Variants in OPCML observed in about 807,000 individuals in gnomAD.
The protein encoded by OPCML is opioid binding protein/cell adhesion molecule like.
In OPCML, 13 loss-of-function variants were observed where a neutral mutation model predicts 37.8. The ratio of observed to expected loss-of-function variants is 0.34; its 90% CI spans 0.22 to 0.55. The LOEUF is 0.55. Ranked by LOEUF, OPCML falls within the 20% of genes least tolerant of loss-of-function variation. The pLI, the probability that OPCML is intolerant of heterozygous loss-of-function variation, is 0.91. For missense variants in OPCML, 341 were observed against 435.6 expected (o/e 0.78, Z 1.93); for synonymous variants, 176 against 168.8 (o/e 1.04, Z -0.33).
intron 1 of OPCML, among the ~76,000 whole-genome samples, chr11:132,963,601 A>AC (rs1227750339): frequency 6.6e-6 from 1 of 151,776 alleles, no homozygotes; most frequent in African/African-American, 2.4e-5. Flanking sequence ...AAAAAAAAAA[A>AC]AAAAAACTGT....
chr11:133,018,243 C>A (rs1322579443), intron 1 of OPCML, among the ~76,000 whole-genome samples: 1 of 152,026 alleles, frequency 6.6e-6, no homozygotes, highest in African/African-American at 2.4e-5. Context: ...GAAATTGGCC[C>A]CCTATTAAAA....
At chr11:133,512,482 GC>G (rs1948181545) in intron 1 of OPCML, among the ~76,000 whole-genome samples, 1 of 152,156 alleles carries the variant, frequency 6.6e-6, no homozygotes, top group Non-Finnish European at 1.5e-5. Context: ...CTGTCCTTTG[GC>G]TTTTTAATGG....
chr11:133,180,456 T>C (rs1039713491), intron 1 of OPCML, among the ~76,000 whole-genome samples: 1 of 152,070 alleles, frequency 6.6e-6, no homozygotes. Flanking sequence ...TCAGTGTCAA[T>C]ATGGTTCAAA....
intron 4 of OPCML, among the ~76,000 whole-genome samples, chr11:132,464,896 C>T (rs1019395541): frequency 6.6e-6 from 1 of 152,080 alleles, no homozygotes; most frequent in African/African-American, 2.4e-5. Context: ...ATTCCCTTCC[C>T]CAGAGGAAAG....
chr11:133,529,575 C>A (rs1286750758), intron 1 of OPCML, among the ~76,000 whole-genome samples: 1 of 152,198 alleles, frequency 6.6e-6, no homozygotes, highest in Non-Finnish European at 1.5e-5. Flanking sequence ...TGGAAGGTAC[C>A]AGGCGACAAC....
intron 1 of OPCML, among the ~76,000 whole-genome samples, chr11:133,209,675 G>A (rs1939268927): frequency 6.6e-6 from 1 of 152,180 alleles, no homozygotes; most frequent in Non-Finnish European, 1.5e-5. Context: ...GCACAGCTAC[G>A]AGTAGACTTC....
intron 1 of OPCML, among the ~76,000 whole-genome samples, chr11:133,160,582 T>G (rs747470805): frequency 3.3e-5 from 5 of 152,242 alleles, no homozygotes; most frequent in Non-Finnish European, 7.3e-5. Flanking sequence ...TACATTGGCC[T>G]ACCAACTTGA....
intron 2 of OPCML, among the ~76,000 whole-genome samples, chr11:132,706,436 G>A (rs1944038118): frequency 6.6e-6 from 1 of 152,062 alleles, no homozygotes; most frequent in African/African-American, 2.4e-5. Flanking sequence ...CCCCTACCAG[G>A]CACAACTGCA....
At chr11:132,967,837 C>T (rs1946249120) in intron 1 of OPCML, among the ~76,000 whole-genome samples, 1 of 152,146 alleles carries the variant, frequency 6.6e-6, no homozygotes, top group Non-Finnish European at 1.5e-5. Flanking sequence ...CAAGGTTTCT[C>T]ACAGTTTTTG....
At chr11:132,465,418 T>C (rs942861383) in intron 4 of OPCML, among the ~76,000 whole-genome samples, 3 of 152,192 alleles carry the variant, frequency 2.0e-5, no homozygotes, top group East Asian at 1.9e-4. Context: ...TATCTCCTTA[T>C]AGTAATTTGC....
At chr11:132,962,428 C>G (rs974977602) in intron 1 of OPCML, among the ~76,000 whole-genome samples, 1 of 152,216 alleles carries the variant, frequency 6.6e-6, no homozygotes, top group African/African-American at 2.4e-5. Flanking sequence ...GGTAAACAGA[C>G]TAATTTTGCC....
intron 1 of OPCML, among the ~76,000 whole-genome samples, chr11:133,109,345 T>G (rs959551443): frequency 6.6e-6 from 1 of 152,158 alleles, no homozygotes; most frequent in Non-Finnish European, 1.5e-5. Flanking sequence ...GGGTTACCGC[T>G]GCTGGCTGGG....
chr11:133,137,679 C>G (rs1949712387), intron 1 of OPCML, among the ~76,000 whole-genome samples: 2 of 152,186 alleles, frequency 1.3e-5, no homozygotes, highest in South Asian at 4.1e-4. Flanking sequence ...AGGTCCTGAT[C>G]AAGAGGGAGG....
intron 1 of OPCML, among the ~76,000 whole-genome samples, chr11:133,287,950 A>G (rs7924711): frequency 0.36 from 55,486 of 152,110 alleles, 11,568 homozygotes; most frequent in East Asian, 0.75. Context: ...GTCTTCTTGA[A>G]GACAGGCTCA....
chr11:132,967,045 G>A (rs1946230972), intron 1 of OPCML, among the ~76,000 whole-genome samples: 1 of 151,946 alleles, frequency 6.6e-6, no homozygotes, highest in Non-Finnish European at 1.5e-5. Flanking sequence ...GATGTACTTA[G>A]ATTTACTTTT....
At chr11:132,532,815 A>C (rs752723651) in intron 3 of OPCML, among the ~76,000 whole-genome samples, 1 of 152,180 alleles carries the variant, frequency 6.6e-6, no homozygotes, top group Non-Finnish European at 1.5e-5. Flanking sequence ...CCCCAGGGCC[A>C]TGCATGCTGC....
At chr11:133,099,570 A>G (rs950070361) in intron 1 of OPCML, among the ~76,000 whole-genome samples, 24 of 150,924 alleles carry the variant, frequency 1.6e-4, no homozygotes, top group African/African-American at 5.6e-4. Context: ...TACAGACATG[A>G]GCCACCTCGC....
intron 2 of OPCML, among the ~76,000 whole-genome samples, chr11:132,880,375 C>CCTT (rs1943182854): frequency 6.6e-6 from 1 of 152,150 alleles, no homozygotes; most frequent in Admixed American, 6.5e-5. Flanking sequence ...ACTCCACGGG[C>CCTT]CTTATCTTTT....
At chr11:132,638,186 T>TATATATAGAGAGAGAGAGAG (rs71067383) in intron 3 of OPCML, among the ~76,000 whole-genome samples, 3 of 131,020 alleles carry the variant, frequency 2.3e-5, no homozygotes, top group African/African-American at 5.5e-5. Context: ...TATATATATA[T>TATATATAGAGAGAGAGAGAG]ACAGAGAGAG....
Sources: allele counts gnomAD v4.1 joint callset (sites outside exome capture counted in the v4.1 genomes callset), GRCh38; gene constraint gnomAD v4.1.1; transcripts MANE v1.5; gene names NCBI Gene and HGNC (gene_info 2026-07-23, HGNC 2026-07-21).